Variants in LTBP1 observed in about 807,000 individuals in gnomAD.
LTBP1 encodes latent transforming growth factor beta binding protein 1, also known as latent-transforming growth factor beta-binding protein 1.
Under a neutral mutation model 207.6 loss-of-function variants are expected in LTBP1, and 129 were observed. That is an observed-to-expected ratio of 0.62 (90% CI 0.54 to 0.72). The LOEUF (loss-of-function observed/expected upper bound fraction) is 0.72, where lower values mean the gene tolerates loss of function less well. Among genes scored for constraint, LTBP1 ranks in the 30% least tolerant of loss-of-function variants. LTBP1 has a pLI of 0.00. For synonymous variants in LTBP1, 963 were observed against 833.7 expected (o/e 1.16, Z -2.67); for missense variants, 2,281 against 2,217.2 (o/e 1.03, Z -0.58).
chr2:33,185,329 A>G (rs947580753), intron 5 of LTBP1, among the ~76,000 whole-genome samples: 13 of 152,210 alleles, frequency 8.5e-5, no homozygotes, highest in African/African-American at 3.1e-4. Flanking sequence ...GGTGTTTCTT[A>G]AAGATCGCTT....
chr2:32,965,055 CA>C (rs1679742236), intron 2 of LTBP1, among the ~76,000 whole-genome samples: 1 of 151,958 alleles, frequency 6.6e-6, no homozygotes, highest in Admixed American at 6.6e-5. Flanking sequence ...AAACAAAAAA[CA>C]AAAACAAACT....
intron 3 of LTBP1, among the ~76,000 whole-genome samples, chr2:33,026,470 C>T (rs767954188): frequency 2.0e-5 from 3 of 152,086 alleles, no homozygotes; most frequent in Admixed American, 6.6e-5. Context: ...GATTGTTTCA[C>T]GAATGCTTAT....
chr2:33,303,720 G>A (rs1240976684), intron 22 of LTBP1, among the ~76,000 whole-genome samples: 4 of 152,070 alleles, frequency 2.6e-5, no homozygotes, highest in Non-Finnish European at 4.4e-5. Flanking sequence ...AAGAGGGTTC[G>A]CCCTCCTATG....
intron 5 of LTBP1, among the ~76,000 whole-genome samples, chr2:33,172,998 C>T (rs539318424): frequency 6.6e-6 from 1 of 151,954 alleles, no homozygotes; most frequent in Admixed American, 6.6e-5. Context: ...GGGACACATT[C>T]AAAGCAGTGT....
intron 3 of LTBP1, among the ~76,000 whole-genome samples, chr2:33,089,739 C>T (rs2078973508): frequency 6.6e-6 from 1 of 152,150 alleles, no homozygotes; most frequent in Non-Finnish European, 1.5e-5. Flanking sequence ...GCTATGGTTC[C>T]TGACGTAAAT....
intron 7 of LTBP1, among the ~76,000 whole-genome samples, chr2:33,204,272 A>G (rs1039229772): frequency 5.9e-5 from 9 of 151,342 alleles, no homozygotes; most frequent in East Asian, 1.9e-4. Flanking sequence ...TGAATGTTCT[A>G]TTTCAACAAG....
At chr2:33,291,745 G>C (rs1408403836) in intron 19 of LTBP1, 1 of 152,248 alleles carries the variant, frequency 6.6e-6, no homozygotes, top group African/African-American at 2.4e-5. Flanking sequence ...TCACAGATAC[G>C]TGTTTGCCAC....
intron 2 of LTBP1, among the ~76,000 whole-genome samples, chr2:32,984,382 A>G (rs1031463263): frequency 1.3e-5 from 2 of 152,200 alleles, no homozygotes; most frequent in African/African-American, 4.8e-5. Context: ...CATGGCTTTA[A>G]AGGGCCATCT....
At chr2:33,215,720 T>TG (rs1251016205) in intron 7 of LTBP1, among the ~76,000 whole-genome samples, 3 of 144,502 alleles carry the variant, frequency 2.1e-5, no homozygotes, top group African/African-American at 7.9e-5. Flanking sequence ...TCTTTTGTTT[T>TG]TTGTTTTTTT....
chr2:33,030,704 G>A (rs1482079696), intron 3 of LTBP1, among the ~76,000 whole-genome samples: 2 of 152,186 alleles, frequency 1.3e-5, no homozygotes, highest in African/African-American at 4.8e-5. Context: ...AAATATGTAA[G>A]TCAGTGGCAT....
intron 24 of LTBP1, among the ~76,000 whole-genome samples, chr2:33,336,108 G>A (rs935715537): frequency 6.6e-6 from 1 of 152,102 alleles, no homozygotes; most frequent in South Asian, 2.1e-4. Flanking sequence ...GATATTTCTT[G>A]TATTAAAGGA....
At chr2:33,047,238 C>T (rs2076493188) in intron 3 of LTBP1, among the ~76,000 whole-genome samples, 1 of 152,126 alleles carries the variant, frequency 6.6e-6, no homozygotes, top group Non-Finnish European at 1.5e-5. Context: ...CCTGCTTTCT[C>T]TTGTGGGCAT....
At chr2:33,126,463 G>T (rs750707546) in intron 4 of LTBP1, among the ~76,000 whole-genome samples, 10 of 152,172 alleles carry the variant, frequency 6.6e-5, no homozygotes, top group Non-Finnish European at 1.5e-4. Context: ...CAGGGAATTT[G>T]TGGACATATT....
intron 3 of LTBP1, among the ~76,000 whole-genome samples, chr2:33,089,183 AAAAG>A (rs1440552492): frequency 4.6e-5 from 7 of 151,558 alleles, no homozygotes; most frequent in Non-Finnish European, 8.8e-5. Context: ...GAAAAAAAGA[AAAAG>A]AAAAGAAGAA....
rs143583371 is a variant in LTBP1 at position 33,081,487 on chromosome 2, T to C, written c.864-29095T>C. Among the ~76,000 whole-genome samples, 946 of 152,110 alleles carry C rather than the reference T, an allele frequency of 6.2e-3. 8 individuals are homozygous for C. The highest frequency in any genetic ancestry group is 0.021 in the African/African-American group (882 of 41,496). ...ATGGGTCAGAGTAATTGGGTAGAAA[T>C]GTGAGAAGGGCAGTAGTTGTGGAGG... On this transcript the variant is annotated intron_variant, in intron 3 of 33. Coordinates refer to ENST00000404816, the MANE Select transcript of LTBP1 (RefSeq NM_206943.4).
chr2:33,030,691 A>G (rs1279082942), intron 3 of LTBP1, among the ~76,000 whole-genome samples: 3 of 152,212 alleles, frequency 2.0e-5, no homozygotes, highest in African/African-American at 7.2e-5. Context: ...TTTATGTGAA[A>G]GTAAATATGT....
At chr2:33,270,888 C>T (rs1391126747) in intron 15 of LTBP1, among the ~76,000 whole-genome samples, 4 of 152,210 alleles carry the variant, frequency 2.6e-5, no homozygotes, top group East Asian at 3.9e-4. Flanking sequence ...AATCAACAAA[C>T]ATTTTTTATC....
intron 5 of LTBP1, 30 bp from the exon 6 acceptor site, chr2:33,186,826 A>G (rs1321495785): frequency 3.8e-6 from 6 of 1,571,070 alleles, no homozygotes; most frequent in Non-Finnish European, 5.3e-6. Flanking sequence ...AGACTAACCA[A>G]CTCTCCATGT....
intron 25 of LTBP1, among the ~76,000 whole-genome samples, chr2:33,345,582 A>G (rs780393267): frequency 2.0e-5 from 3 of 152,232 alleles, no homozygotes; most frequent in Non-Finnish European, 4.4e-5. Context: ...TTGATTAAAT[A>G]TTTCAACTCT....
Sources: gnomAD v4.1 joint callset for allele counts (sites outside exome capture counted in the v4.1 genomes callset) on GRCh38, gnomAD v4.1.1 for gene constraint, MANE v1.5 for transcripts, NCBI Gene and HGNC (gene_info 2026-07-23, HGNC 2026-07-21) for gene names.